The following CLRN1 variants were observed in gnomAD, a reference collection of about 807,000 sequenced individuals.
The protein encoded by CLRN1 is clarin 1, also known as clarin-1.
CLRN1 carries 15 observed loss-of-function variants against 18.7 expected under a neutral mutation model. That is an observed-to-expected ratio of 0.80 (90% CI 0.54 to 1.23). The LOEUF (loss-of-function observed/expected upper bound fraction) is 1.23. Ranked by LOEUF, CLRN1 falls within the 50% of genes most tolerant of loss-of-function variation. The pLI is 0.00. For synonymous variants in CLRN1, 104 were observed against 102.9 expected, an observed-to-expected ratio of 1.01 and a Z score of -0.07; for missense variants, 311 against 277.5, an observed-to-expected ratio of 1.12 and a Z score of -0.86.
chr3:150,931,497 A>T (rs1217733332), intron 2 of CLRN1, among the ~76,000 whole-genome samples: 2 of 152,104 alleles, frequency 1.3e-5, no homozygotes, highest in African/African-American at 4.8e-5. Flanking sequence ...CCCGGAATTG[A>T]CTTCGTAAAT....
At chr3:150,948,401 G>A (rs1457862416) in intron 1 of CLRN1, among the ~76,000 whole-genome samples, 6 of 149,170 alleles carry the variant, frequency 4.0e-5, no homozygotes, top group African/African-American at 7.4e-5. Flanking sequence ...GGAGAATGGC[G>A]TGAACCCGGG....
chr3:150,961,190 G>T (rs975640009), intron 1 of CLRN1, among the ~76,000 whole-genome samples: 1 of 152,116 alleles, frequency 6.6e-6, no homozygotes, highest in Admixed American at 6.5e-5. Context: ...CCTCCTCCTT[G>T]TGGCTTCTGC....
chr3:150,972,271 A>G (rs1715574439), intron 1 of CLRN1, among the ~76,000 whole-genome samples, 185 bp downstream of exon 1: 1 of 152,234 alleles, frequency 6.6e-6, no homozygotes. Flanking sequence ...TTATAATAAA[A>G]AGCAAGTATA....
intron 1 of CLRN1, among the ~76,000 whole-genome samples, chr3:150,951,086 A>G (rs1714459878): frequency 6.6e-6 from 1 of 152,144 alleles, no homozygotes; most frequent in African/African-American, 2.4e-5. Context: ...CGTGGGAGCT[A>G]CATGATGAGA....
chr3:150,926,733 T>C lies in CLRN1; in HGVS notation c.*1203A>G, dbSNP rs1364493598. On this transcript the variant is annotated 3_prime_UTR_variant, in exon 3 of 3. Coordinates refer to ENST00000327047, the MANE Select transcript of CLRN1 (RefSeq NM_174878.3). Reference sequence around the variant, plus strand: ...TTCAAACCTATTATATGAGGGCTGCTGAGTACTCAGCACCTGTGGTCAGAG... The same window carrying C: ...TTCAAACCTATTATATGAGGGCTGCCGAGTACTCAGCACCTGTGGTCAGAG... 1 of 1,531,378 alleles carries C rather than the reference T, an allele frequency of 6.5e-7. No homozygotes were observed. Among genetic ancestry groups the C allele is most frequent in the East Asian group, 2.2e-5 (1 of 44,484 alleles). The allele number at this position is 1,531,378 out of a possible 1,614,324, so 94.9% of individuals were successfully genotyped here.
At chr3:150,932,565 T>C (rs1713216466) in intron 2 of CLRN1, among the ~76,000 whole-genome samples, 1 of 152,216 alleles carries the variant, frequency 6.6e-6, no homozygotes, top group Admixed American at 6.5e-5. Flanking sequence ...TTAGGGGCAT[T>C]TCATTGCCAA....
intron 1 of CLRN1, among the ~76,000 whole-genome samples, chr3:150,949,478 G>A: frequency 6.6e-6 from 1 of 152,132 alleles, no homozygotes; most frequent in Non-Finnish European, 1.5e-5. Flanking sequence ...CAGCCCAAAA[G>A]CTCCTTCAGC....
downstream of CLRN1, chr3:150,926,231 A>G (rs1323141285): frequency 6.3e-6 from 1 of 157,482 alleles, no homozygotes; most frequent in East Asian, 1.9e-4. Flanking sequence ...TTCTCTTTCT[A>G]CGGAACAGAG....
At chr3:150,947,536 A>G (rs1199149187) in intron 1 of CLRN1, among the ~76,000 whole-genome samples, 2 of 152,190 alleles carry the variant, frequency 1.3e-5, no homozygotes, top group African/African-American at 2.4e-5. Flanking sequence ...TCTGAACTCA[A>G]CATTGGACCA....
chr3:150,961,564 G>T (rs949866039), intron 1 of CLRN1, among the ~76,000 whole-genome samples: 16 of 152,274 alleles, frequency 1.1e-4, no homozygotes, highest in African/African-American at 3.1e-4. Context: ...CAATGGTGCC[G>T]CAATTTCTTC....
intron 1 of CLRN1, among the ~76,000 whole-genome samples, chr3:150,962,011 G>A (rs1214928373): frequency 6.6e-6 from 1 of 152,190 alleles, no homozygotes; most frequent in South Asian, 2.1e-4. Flanking sequence ...TCTCTCAGCT[G>A]AAGTGTATCC....
At chr3:150,949,070 A>G (rs1714341403) in intron 1 of CLRN1, among the ~76,000 whole-genome samples, 1 of 152,234 alleles carries the variant, frequency 6.6e-6, no homozygotes, top group Non-Finnish European at 1.5e-5. Context: ...AAATCAACAA[A>G]TGTGATTCAT....
chr3:150,932,686 T>C (rs183930602), intron 2 of CLRN1, among the ~76,000 whole-genome samples: 82 of 152,334 alleles, frequency 5.4e-4, no homozygotes, highest in Middle Eastern at 3.4e-3. Context: ...TCTAAAATTA[T>C]GTAAATGTCA....
chr3:150,941,858 C>A, intron 1 of CLRN1, 97 bp from the exon 2 acceptor site: 1 of 1,129,700 alleles, frequency 8.9e-7, no homozygotes, highest in Non-Finnish European at 1.3e-6. Flanking sequence ...TAATTTCAAA[C>A]ATCACTAAAA....
At chr3:150,962,739 A>G (rs1715094768) in intron 1 of CLRN1, among the ~76,000 whole-genome samples, 1 of 152,368 alleles carries the variant, frequency 6.6e-6, no homozygotes, top group African/African-American at 2.4e-5. Context: ...ACATGTGATC[A>G]GATATCTCTG....
At chr3:150,963,153 AT>A (rs1441517851) in intron 1 of CLRN1, among the ~76,000 whole-genome samples, 3 of 152,328 alleles carry the variant, frequency 2.0e-5, no homozygotes, top group Non-Finnish European at 4.4e-5. Context: ...ATGATTGTAT[AT>A]TTAGAAAACC....
chr3:150,929,488 T>C (rs2107930243), intron 2 of CLRN1, among the ~76,000 whole-genome samples: 1 of 152,356 alleles, frequency 6.6e-6, no homozygotes, highest in South Asian at 2.1e-4. Context: ...TGAAACCAAT[T>C]TGGGTTCAAA....
intron 2 of CLRN1, among the ~76,000 whole-genome samples, chr3:150,940,901 T>G (rs1434832136): frequency 1.3e-5 from 2 of 152,154 alleles, no homozygotes; most frequent in Non-Finnish European, 2.9e-5. Context: ...CACCTAGCAT[T>G]AGGCTACACA....
At chr3:150,954,179 C>G (rs897390572) in intron 1 of CLRN1, among the ~76,000 whole-genome samples, 4 of 152,196 alleles carry the variant, frequency 2.6e-5, no homozygotes, top group African/African-American at 7.2e-5. Context: ...TCCTCTACCC[C>G]CAGGTCCTAT....
Sources: gnomAD v4.1 joint callset for allele counts (sites outside exome capture counted in the v4.1 genomes callset) on GRCh38, gnomAD v4.1.1 for gene constraint, MANE v1.5 for transcripts, NCBI Gene and HGNC (gene_info 2026-07-23, HGNC 2026-07-21) for gene names.